The following HEPHL1 variants were observed in gnomAD, a reference collection of about 807,000 sequenced individuals.
HEPHL1 encodes hephaestin like 1.
In HEPHL1, 123 loss-of-function variants were observed where a neutral mutation model predicts 122.0. The ratio of observed to expected loss-of-function variants is 1.01; its 90% CI spans 0.87 to 1.17. HEPHL1 has a LOEUF of 1.17. Ranked by LOEUF, HEPHL1 falls within the 50% of genes most tolerant of loss-of-function variation. The probability of loss-of-function intolerance (pLI) is 0.00; values close to 1 mark genes in which losing one functional copy is unlikely to be tolerated. For synonymous variants in HEPHL1, 527 were observed against 508.9 expected (o/e 1.04, Z -0.48); for missense variants, 1,452 against 1,430.5 (o/e 1.01, Z -0.24).
At chr11:94,085,653 A>G (rs539970717) in intron 10 of HEPHL1, among the ~76,000 whole-genome samples, 1 of 152,336 alleles carries the variant, frequency 6.6e-6, no homozygotes, top group African/African-American at 2.4e-5. Context: ...AAATAACCAC[A>G]AAAGAAAAAG....
In HEPHL1 at chr11:94,034,993, A is replaced by G. The variant is rs141466689; in HGVS notation, c.171-10680A>G. On this transcript the variant is annotated intron_variant, in intron 1 of 19. Coordinates refer to ENST00000315765, the MANE Select transcript of HEPHL1 (RefSeq NM_001098672.2). Reference sequence around the variant, plus strand: ...CTTCCCTAGACACAGATCTGGTCAAATACATCTGTTTAAGAATCTTCAGTG... The same window carrying G: ...CTTCCCTAGACACAGATCTGGTCAAGTACATCTGTTTAAGAATCTTCAGTG... Among the ~76,000 whole-genome samples the G allele has an allele frequency of 3.1e-3, 471 of 152,332 alleles. 5 individuals carry two copies. The highest frequency in any genetic ancestry group is 0.011 in the African/African-American group (459 of 41,580).
At chr11:94,075,103 G>A in intron 8 of HEPHL1, 71 bp from the exon 9 acceptor site, 1 of 1,357,516 alleles carries the variant, frequency 7.4e-7, no homozygotes, top group Non-Finnish European at 1.0e-6. Context: ...ACCCAGGGCT[G>A]GAAGACCCAG....
chr11:94,093,700 C>T (rs893212839), intron 13 of HEPHL1, 60 bp downstream of exon 13: 52 of 1,534,434 alleles, frequency 3.4e-5, no homozygotes, highest in Non-Finnish European at 4.6e-5. Context: ...CACACATACT[C>T]ATGTGTTCTG....
chr11:94,056,010 T>A, intron 2 of HEPHL1: 1 of 730,040 alleles, frequency 1.4e-6, no homozygotes, highest in Non-Finnish European at 2.1e-6. Flanking sequence ...CCAGCTTCCA[T>A]TCTCTGTTCT....
rs545173804 is a variant in HEPHL1 at position 94,084,379 on chromosome 11, T to A, written c.1868-1598T>A. Among the ~76,000 whole-genome samples the A allele has an allele frequency of 1.7e-3, 232 of 137,416 alleles. 1 individual carries two copies. The highest frequency in any genetic ancestry group is 5.4e-3 in the African/African-American group (192 of 35,822). The allele number at this position is 137,416 out of a possible 152,430, so 90.2% of individuals were successfully genotyped here. ...AAATAAATAAATAAATAAATAAATATATAAATACAGGATATATCATTGTTA... is the reference window on the plus strand; with the variant it reads ...AAATAAATAAATAAATAAATAAATAAATAAATACAGGATATATCATTGTTA... On this transcript the variant is annotated intron_variant, in intron 10 of 19. Transcript: ENST00000315765.
chr11:94,031,039 C>G (rs1945670487), intron 1 of HEPHL1, among the ~76,000 whole-genome samples: 4 of 152,254 alleles, frequency 2.6e-5, no homozygotes, highest in Admixed American at 2.6e-4. Flanking sequence ...GTTGTGGCAG[C>G]TTTGTTTTTA....
chr11:94,111,873 T>C lies in HEPHL1; in HGVS notation c.3459T>C (p.Ala1153=). The change falls in exon 20 of 20, where the codon GCT becomes GCC. Residue 1153 remains alanine, a synonymous_variant. Transcript: ENST00000315765. ...ATTACCAGCAAGTCCAGTCCTGTGC[T>C]CTCCCCACGGATGCTCTGTGAACCA... The part of the protein sequence containing the change: ...QTDYQQVQSC[A]LPTDAL 4 of 1,521,190 alleles carry C rather than the reference T, an allele frequency of 2.6e-6. No individual in the cohort carries two copies. Among genetic ancestry groups the C allele is most frequent in the Non-Finnish European group, 3.5e-6 (4 of 1,136,180 alleles). The allele number at this position is 1,521,190 out of a possible 1,614,324, so 94.2% of individuals were successfully genotyped here. A position where few individuals can be genotyped will look rare whatever the true frequency, so the allele number is the denominator to read the frequency against.
chr11:94,093,971 G>GATAGATATATAT (rs71036310), intron 13 of HEPHL1, among the ~76,000 whole-genome samples: 66 of 72,726 alleles, frequency 9.1e-4, no homozygotes, highest in Non-Finnish European at 1.3e-3. Context: ...TCCTCCAGCA[G>GATAGATATATAT]ATATATATAT....
At chr11:94,050,374 A>G (rs993046294) in intron 2 of HEPHL1, among the ~76,000 whole-genome samples, 6 of 152,114 alleles carry the variant, frequency 3.9e-5, no homozygotes, top group African/African-American at 1.4e-4. Flanking sequence ...AAAATATGTA[A>G]TATTAGTAGT....
At chr11:94,024,526 T>A (rs1313087606) in intron 1 of HEPHL1, among the ~76,000 whole-genome samples, 1 of 152,250 alleles carries the variant, frequency 6.6e-6, no homozygotes, top group East Asian at 1.9e-4. Context: ...GACCTGGGAC[T>A]GATCGTGGGC....
rs1476584068 is a variant in HEPHL1, at chr11:94,106,044, A to G, written c.2959A>G (p.Thr987Ala). The G allele has an allele frequency of 2.5e-6, 4 of 1,602,126 alleles. No homozygotes were observed. The highest frequency in any genetic ancestry group is 2.6e-6 in the Non-Finnish European group (3 of 1,171,994). ...NLHGLIMNED[T>A]MTNWYLLGIG... ...CCATGGCCTCATAATGAACGAAGAT[A>G]CAATGACAAACTGGTATTTGTTAGG... The change falls in exon 17 of 20, where the codon ACA (threonine) becomes GCA (alanine). Residue 987 changes from threonine to alanine, a missense_variant. Transcript: ENST00000315765.
intron 10 of HEPHL1, among the ~76,000 whole-genome samples, chr11:94,083,762 A>G (rs1375220075): frequency 1.4e-5 from 1 of 73,162 alleles, no homozygotes. Flanking sequence ...AGCATGGAGT[A>G]GTACATTTCA....
intron 1 of HEPHL1, among the ~76,000 whole-genome samples, chr11:94,037,002 G>A (rs1386711349): frequency 6.6e-6 from 1 of 152,218 alleles, no homozygotes; most frequent in Non-Finnish European, 1.5e-5. Flanking sequence ...GCGCAGGCCA[G>A]TGGGTGCGCG....
chr11:94,100,426 C>T (rs1946359250), intron 13 of HEPHL1, among the ~76,000 whole-genome samples: 1 of 152,162 alleles, frequency 6.6e-6, no homozygotes, highest in Non-Finnish European at 1.5e-5. Context: ...CATGCTGCCA[C>T]AGGCCCTCTG....
intron 1 of HEPHL1, 135 bp from the exon 2 acceptor site, chr11:94,045,538 G>A: frequency 1.4e-6 from 1 of 700,242 alleles, no homozygotes; most frequent in Admixed American, 3.0e-5. Context: ...AATCTTCCGA[G>A]CCCTACAGAG....
At position 94,045,750 on chromosome 11, in the gene HEPHL1, C is replaced by A; in HGVS notation, c.248C>A (p.Thr83Lys). 6.2e-7 allele frequency: 1 copy of A among 1,613,832 alleles called. No homozygotes were observed. The highest frequency in any genetic ancestry group is 1.1e-5 in the South Asian group (1 of 91,044). Residue 83 changes from threonine to lysine, a missense_variant, in exon 2 of 20, where the codon ACG (threonine) becomes AAG (lysine). Physicochemically the swap from Thr to Lys is moderately conservative, Grantham distance 78. Transcript: ENST00000315765. ...IYKKAVYRRF[T>K]DGTYSIEIPK... Reference sequence around the variant, plus strand: ...AAAAAGGCTGTTTACAGACGCTTCACGGATGGAACCTACTCCATAGAGATC... The same window carrying A: ...AAAAAGGCTGTTTACAGACGCTTCAAGGATGGAACCTACTCCATAGAGATC...
At chr11:94,076,675 C>A (rs1262382866) in intron 9 of HEPHL1, among the ~76,000 whole-genome samples, 3 of 152,036 alleles carry the variant, frequency 2.0e-5, no homozygotes, top group Non-Finnish European at 4.4e-5. Context: ...ACCATTTGGC[C>A]AGATGGAAAG....
At chr11:94,058,598 A>G (rs1352034100) in intron 2 of HEPHL1, among the ~76,000 whole-genome samples, 1 of 152,240 alleles carries the variant, frequency 6.6e-6, no homozygotes, top group African/African-American at 2.4e-5. Context: ...TGCCTGAGCC[A>G]GACCTCTTAT....
chr11:94,055,667 G>A, intron 2 of HEPHL1: 1 of 389,590 alleles, frequency 2.6e-6, no homozygotes, highest in Non-Finnish European at 5.1e-6. Context: ...ATGTGAGGAA[G>A]CTGGCTAGTG....
Sources: gnomAD v4.1 joint callset for allele counts (sites outside exome capture counted in the v4.1 genomes callset) on GRCh38, gnomAD v4.1.1 for gene constraint, MANE v1.5 for transcripts, NCBI Gene and HGNC (gene_info 2026-07-23, HGNC 2026-07-21) for gene names.